SESN1: variants seen among roughly 807,000 people sequenced by gnomAD.
The protein encoded by SESN1 is sestrin 1.
In SESN1, 30 loss-of-function variants were observed where a neutral mutation model predicts 59.3. The observed-to-expected ratio is 0.51, with a 90% CI of 0.38 to 0.69. SESN1 has a LOEUF of 0.69. Ranked by LOEUF, SESN1 falls within the 30% of genes least tolerant of loss-of-function variation. SESN1 has a pLI of 0.00. For missense variants in SESN1, 566 were observed against 673.0 expected (o/e 0.84, Z 1.76); for synonymous variants, 197 against 219.9 (o/e 0.90, Z 0.92).
intron 1 of SESN1, among the ~76,000 whole-genome samples, chr6:109,068,721 C>CT (rs752278370): frequency 0.064 from 8,587 of 133,428 alleles, 305 homozygotes; most frequent in African/African-American, 0.089. Context: ...ATTTCCTGGG[C>CT]TTTTTTTTTT....
intron 5 of SESN1, among the ~76,000 whole-genome samples, chr6:108,995,523 C>T (rs1371934200): frequency 5.3e-5 from 8 of 152,196 alleles, no homozygotes. Context: ...AGTGGTTTTG[C>T]ACTAGTCAAA....
intron 1 of SESN1, chr6:109,009,405 C>T (rs1298149118): frequency 9.6e-6 from 14 of 1,458,950 alleles, no homozygotes; most frequent in Non-Finnish European, 1.3e-5. Flanking sequence ...GCCCAGCAGC[C>T]CCGAGACCGC....
At position 108,990,847 on chromosome 6, in the gene SESN1, G is replaced by A. The variant is rs528249929; in HGVS notation, c.1234-12C>T. The A allele has an allele frequency of 1.8e-5, 29 of 1,608,896 alleles. No individual in the cohort carries two copies. The highest frequency in any genetic ancestry group is 1.7e-4 in the African/African-American group (13 of 74,880). ...TCCCAGCAATAGTCCTAAATACAGG[G>A]AATAGAACAAATGTGAATAAATGTG... On this transcript the variant is annotated splice_polypyrimidine_tract_variant and intron_variant, in intron 7 of 9. Coordinates refer to ENST00000436639, the MANE Select transcript of SESN1 (RefSeq NM_014454.3).
rs1279672508 is a variant in SESN1 at position 108,985,566 on chromosome 6, TATAAAC to T, written c.*1972_*1977del. On this transcript the variant is annotated 3_prime_UTR_variant, in exon 10 of 10. Coordinates refer to ENST00000436639, the MANE Select transcript of SESN1 (RefSeq NM_014454.3). ...TCACATGCACTTTTATTACTTTAGG[TATAAAC>T]ATATTTTTTAACTCATTAAAATTTT... Among the ~76,000 whole-genome samples the T allele has an allele frequency of 6.6e-6, 1 of 152,230 alleles. No homozygotes were observed. The highest frequency in any genetic ancestry group is 2.4e-5 in the African/African-American group (1 of 41,462).
chr6:109,056,695 G>A lies in SESN1; in HGVS notation c.279+37100C>T, dbSNP rs200931963. ...ATGAGATACAAACAGAAGTCTGCTA[G>A]CACTGTCTCTTTCCTTTCCTTCTCA... On this transcript the variant is annotated intron_variant, in intron 1 of 9. Transcript: ENST00000436639. Among the ~76,000 whole-genome samples the A allele has an allele frequency of 1.8e-4, 27 of 152,292 alleles. No homozygotes were observed. In the East Asian group the frequency reaches 4.3e-3, roughly 24 times the overall value.
chr6:108,994,620 A>G lies in SESN1; in HGVS notation c.973-11T>C. 1 of 1,605,930 alleles carries G rather than the reference A, an allele frequency of 6.2e-7. No homozygotes were observed. Among genetic ancestry groups the G allele is most frequent in the Non-Finnish European group, 8.5e-7 (1 of 1,175,904 alleles). ...GAAAGAATCACTTACCTGAAGAAAA[A>G]ATACAATTAATGTTACATGTGGCAG... is the stretch of plus-strand genomic sequence containing the variant. On this transcript the variant is annotated splice_polypyrimidine_tract_variant and intron_variant, in intron 5 of 9. Coordinates refer to ENST00000436639, the MANE Select transcript of SESN1 (RefSeq NM_014454.3).
chr6:109,063,554 G>A (rs1333118481), intron 1 of SESN1, among the ~76,000 whole-genome samples: 1 of 152,180 alleles, frequency 6.6e-6, no homozygotes, highest in Non-Finnish European at 1.5e-5. Flanking sequence ...TCACTATCTT[G>A]CCAGAAGATG....
At chr6:109,076,206 A>G (rs994086449) in intron 1 of SESN1, among the ~76,000 whole-genome samples, 7 of 152,356 alleles carry the variant, frequency 4.6e-5, no homozygotes, top group African/African-American at 1.7e-4. Context: ...GCTTCAATTT[A>G]CTATTTACCA....
chr6:109,084,625 A>G (rs564423649), intron 1 of SESN1, among the ~76,000 whole-genome samples: 1 of 152,310 alleles, frequency 6.6e-6, no homozygotes, highest in South Asian at 2.1e-4. Context: ...AATTGTCCTA[A>G]GGTGATTTTA....
At chr6:109,087,601 T>C (rs1185389850) in intron 1 of SESN1, among the ~76,000 whole-genome samples, 1 of 152,158 alleles carries the variant, frequency 6.6e-6, no homozygotes, top group Non-Finnish European at 1.5e-5. Flanking sequence ...AGTGTAAATA[T>C]TGAAAGAGGA....
intron 1 of SESN1, among the ~76,000 whole-genome samples, chr6:109,051,833 T>C (rs1468591039): frequency 2.0e-5 from 3 of 152,202 alleles, no homozygotes; most frequent in Non-Finnish European, 2.9e-5. Context: ...TCTCCTTACA[T>C]GACAGAAGAC....
Position 108,994,606 on chromosome 6 carries a change from T to C in SESN1, c.976A>G (p.Ser326Gly). Residue 326 changes from serine to glycine, a missense_variant, in exon 6 of 10, where the codon AGT becomes GGT. Ser to Gly is a moderately conservative substitution (Grantham distance 56, BLOSUM62 0). Coordinates refer to ENST00000436639, the MANE Select transcript of SESN1 (RefSeq NM_014454.3). ...PVNSAENVSV[S>G]DSFFEVEALM... ...GCTTCAACCTCAAAGAAAGAATCAC[T>C]TACCTGAAGAAAAAATACAATTAAT... The C allele has an allele frequency of 1.2e-6, 2 of 1,608,486 alleles. No homozygotes were observed. The highest frequency in any genetic ancestry group is 1.7e-6 in the Non-Finnish European group (2 of 1,177,408).
chr6:109,025,943 C>A (rs1780085989), intron 1 of SESN1, among the ~76,000 whole-genome samples: 1 of 149,328 alleles, frequency 6.7e-6, no homozygotes, highest in Admixed American at 6.6e-5. Flanking sequence ...ATTAAAGACA[C>A]CAATACTCTT....
chr6:108,998,644 T>C lies in SESN1; in HGVS notation c.841A>G (p.Ser281Gly). The C allele has an allele frequency of 6.2e-7, 1 of 1,613,976 alleles. No individual in the cohort carries two copies. Among genetic ancestry groups the C allele is most frequent in the Non-Finnish European group, 8.5e-7 (1 of 1,179,870 alleles). Residue 281 changes from serine (S) to glycine (G), a missense_variant, in exon 5 of 10, where the codon AGT becomes GGT. Ser to Gly is a moderately conservative substitution (Grantham distance 56). Coordinates refer to ENST00000436639, the MANE Select transcript of SESN1 (RefSeq NM_014454.3). ...LASFTFGCGI[S>G]PEIHCDGGHT... ...CCACCATCACAATGAATTTCTGGAC[T>C]GATTCCACAGCCGAATGTGAATGAG... is the stretch of plus-strand genomic sequence containing the variant.
intron 1 of SESN1, among the ~76,000 whole-genome samples, chr6:109,076,895 T>TTTCTCAGAA (rs1438051023): frequency 3.3e-5 from 5 of 152,226 alleles, no homozygotes; most frequent in African/African-American, 1.2e-4. Flanking sequence ...AAATGTGTTG[T>TTTCTCAGAA]TATGTGATCT....
At chr6:108,993,086 C>G (rs886178078) in intron 6 of SESN1, 187 bp from the exon 7 acceptor site, 1 of 523,822 alleles carries the variant, frequency 1.9e-6, no homozygotes, top group Non-Finnish European at 3.3e-6. Context: ...AGGAGATTTT[C>G]TGTTATAAAA....
Position 108,998,735 on chromosome 6 carries a change from C to T in SESN1, c.750G>A (p.Glu250=), listed in dbSNP as rs1274404172. The change falls in exon 5 of 10, where the codon GAG becomes GAA. Residue 250 remains glutamate, a synonymous_variant. Coordinates refer to ENST00000436639, the MANE Select transcript of SESN1 (RefSeq NM_014454.3). The part of the protein sequence containing the change: ...EHIEGLLKAE[E]HSWSLAELVH... ...CCAATTCCGCAAGGGACCAGCTGTG[C>T]TCTTCAGCTTTTAAAAGTCCCTTAG... 1.9e-6 allele frequency: 3 copies of T among 1,611,162 alleles called. No homozygotes were observed. Among genetic ancestry groups the T allele is most frequent in the Admixed American group, 1.7e-5 (1 of 59,934 alleles).
intron 1 of SESN1, among the ~76,000 whole-genome samples, chr6:109,066,615 GTCT>G (rs1313985172): frequency 6.6e-6 from 1 of 152,092 alleles, no homozygotes; most frequent in Admixed American, 6.5e-5. Flanking sequence ...GTCAACAATA[GTCT>G]TCTGTTTTCA....
At position 109,094,183 on chromosome 6, in the gene SESN1, C is replaced by A; in HGVS notation, c.-110G>T. ...AAAAATAAAATCAGAGAAATCAAAT[C>A]GTCATGAAAACACACATCTGGGTGA... On this transcript the variant is annotated 5_prime_UTR_variant, in exon 1 of 10. Coordinates refer to ENST00000436639, the MANE Select transcript of SESN1 (RefSeq NM_014454.3). The A allele has an allele frequency of 8.0e-7, 1 of 1,256,380 alleles. No individual in the cohort carries two copies. Among genetic ancestry groups the A allele is most frequent in the Non-Finnish European group, 1.1e-6 (1 of 911,828 alleles). 77.8% of individuals were successfully genotyped at this position (1,256,380 alleles called of 1,614,324 possible).
Sources: allele counts gnomAD v4.1 joint callset (sites outside exome capture counted in the v4.1 genomes callset), GRCh38; gene constraint gnomAD v4.1.1; transcripts MANE v1.5; gene names NCBI Gene and HGNC (gene_info 2026-07-23, HGNC 2026-07-21).